ERBIN: variants seen among roughly 807,000 people sequenced by gnomAD.
ERBIN encodes the protein densin-180-like protein.
A neutral mutation model predicts 158.4 loss-of-function variants in ERBIN; 60 were observed. The observed-to-expected ratio is 0.38, with a 90% CI of 0.31 to 0.47. The LOEUF is 0.47. Ranked by LOEUF, ERBIN falls within the 20% of genes least tolerant of loss-of-function variation. The probability of loss-of-function intolerance (pLI) is 0.99; values close to 1 mark genes in which losing one functional copy is unlikely to be tolerated. For missense variants in ERBIN, 1,610 were observed against 1,648.0 expected, an observed-to-expected ratio of 0.98 and a Z score of 0.40; for synonymous variants, 594 against 557.2, an observed-to-expected ratio of 1.07 and a Z score of -0.93.
At chr5:65,951,776 A>T (rs1746527161) in intron 1 of ERBIN, among the ~76,000 whole-genome samples, 2 of 152,234 alleles carry the variant, frequency 1.3e-5, no homozygotes, top group South Asian at 4.1e-4. Context: ...AATTGTATAT[A>T]AACTATAACA....
chr5:65,952,364 A>G (rs937198715), intron 1 of ERBIN, among the ~76,000 whole-genome samples: 1 of 152,082 alleles, frequency 6.6e-6, no homozygotes, highest in Non-Finnish European at 1.5e-5. Flanking sequence ...TTTATTTTTT[A>G]AAGAGATGGG....
At chr5:66,068,555 G>A (rs543469807) in intron 21 of ERBIN, among the ~76,000 whole-genome samples, 5 of 152,048 alleles carry the variant, frequency 3.3e-5, no homozygotes, top group East Asian at 1.9e-4. Context: ...AGCATATGGC[G>A]TCAACTCCTA....
At chr5:66,026,153 T>A in intron 12 of ERBIN, 149 bp from the exon 13 acceptor site, 2 of 675,982 alleles carry the variant, frequency 3.0e-6, no homozygotes, top group Non-Finnish European at 4.7e-6. Context: ...CTTTCTTATG[T>A]ACATAAAAAT....
chr5:65,982,821 A>C (rs539138376), intron 1 of ERBIN, among the ~76,000 whole-genome samples: 1 of 152,302 alleles, frequency 6.6e-6, no homozygotes, highest in African/African-American at 2.4e-5. Flanking sequence ...ATTCCCATAT[A>C]TTTACCTATG....
intron 1 of ERBIN, among the ~76,000 whole-genome samples, chr5:65,976,978 C>T (rs1749959871): frequency 6.6e-6 from 1 of 152,342 alleles, no homozygotes; most frequent in South Asian, 2.1e-4. Flanking sequence ...TCCCCTCTTT[C>T]TATTCCACAA....
rs1168923040 is a variant in ERBIN, at chr5:65,944,279, G to A, written c.-58+17473G>A. Among the ~76,000 whole-genome samples, 5 of 146,984 alleles carry A rather than the reference G, an allele frequency of 3.4e-5. No individual in the cohort carries two copies. In the South Asian group the frequency reaches 1.1e-3, roughly 31 times the overall value. ...GGCTCTACCACTGTATATTTCCACC[G>A]AAAGTATACAAGAGTTCCAGTTTCT... On this transcript the variant is annotated intron_variant, in intron 1 of 25. Coordinates refer to ENST00000284037, the MANE Select transcript of ERBIN (RefSeq NM_001253697.2).
At chr5:66,067,225 T>C (rs1055438198) in intron 21 of ERBIN, among the ~76,000 whole-genome samples, 7 of 152,222 alleles carry the variant, frequency 4.6e-5, no homozygotes, top group Non-Finnish European at 7.4e-5. Context: ...GTCACTACTT[T>C]AGATTTCACA....
At chr5:66,077,689 G>A (rs904548111) in intron 25 of ERBIN, among the ~76,000 whole-genome samples, 9 of 151,136 alleles carry the variant, frequency 6.0e-5, no homozygotes, top group Admixed American at 2.0e-4. Context: ...GTCACCAGTC[G>A]TTCATAATTT....
In ERBIN at chr5:66,054,247, T is replaced by G; in HGVS notation, c.2929T>G (p.Tyr977Asp). The change falls in exon 21 of 26, where the codon TAT (tyrosine) becomes GAT (aspartate). Residue 977 changes from tyrosine (Y) to aspartate (D), a missense_variant. Tyr to Asp is a radical substitution (Grantham distance 160, BLOSUM62 -3). Transcript: ENST00000284037. ...ACCTCAAATATATGGTCCTCCACAGTATAATATCCAATACAGTAGCAGTGC... is the reference window on the plus strand; with the variant it reads ...ACCTCAAATATATGGTCCTCCACAGGATAATATCCAATACAGTAGCAGTGC... ...SAPQIYGPPQ[Y>D]NIQYSSSAAV... 2 of 1,614,104 alleles carry G rather than the reference T, an allele frequency of 1.2e-6. No homozygotes were observed. Among genetic ancestry groups the G allele is most frequent in the Non-Finnish European group, 1.7e-6 (2 of 1,180,014 alleles).
chr5:65,956,457 A>T (rs7731833), intron 1 of ERBIN, among the ~76,000 whole-genome samples: 4 of 144,870 alleles, frequency 2.8e-5, no homozygotes, highest in Non-Finnish European at 6.0e-5. Context: ...GCTCACTGCA[A>T]CCTTTGCCTC....
chr5:65,945,839 G>A (rs1484962960), intron 1 of ERBIN, among the ~76,000 whole-genome samples: 1 of 152,050 alleles, frequency 6.6e-6, no homozygotes, highest in East Asian at 1.9e-4. Context: ...AACTACTACT[G>A]TGAGGTCTTG....
At chr5:65,981,549 T>TA (rs1185632273) in intron 1 of ERBIN, among the ~76,000 whole-genome samples, 3 of 152,032 alleles carry the variant, frequency 2.0e-5, no homozygotes, top group Non-Finnish European at 4.4e-5. Flanking sequence ...ATTACTGGTA[T>TA]AAAAAATGAG....
intron 1 of ERBIN, among the ~76,000 whole-genome samples, chr5:65,952,023 A>G (rs1746559139): frequency 6.6e-6 from 1 of 151,992 alleles, no homozygotes; most frequent in Non-Finnish European, 1.5e-5. Context: ...TGCTTGTGTG[A>G]TTTTCCCAAT....
rs762632075 is a variant in ERBIN, at chr5:65,994,757, A to C, written c.200A>C (p.Asn67Thr). 1 of 1,587,626 alleles carries C rather than the reference A, an allele frequency of 6.3e-7. No homozygotes were observed. Among genetic ancestry groups the C allele is most frequent in the African/African-American group, 1.4e-5 (1 of 73,592 alleles). The change falls in exon 4 of 26, where the codon AAC becomes ACC. Residue 67 changes from asparagine (N) to threonine (T), a missense_variant. Physicochemically the swap from Asn to Thr is moderately conservative, Grantham distance 65 (BLOSUM62 0). Transcript: ENST00000284037. ...CCCTTTTTTCAATAGCAACTTTTTA[A>C]CTGTCAGTCTTTACACAAACTGAGT... ...QIEELPKQLF[N>T]CQSLHKLSLP...
chr5:65,958,299 G>A (rs1286392303), intron 1 of ERBIN, among the ~76,000 whole-genome samples: 1 of 152,154 alleles, frequency 6.6e-6, no homozygotes, highest in African/African-American at 2.4e-5. Context: ...CGCAAGCCGA[G>A]ATCACGCCAC....
At chr5:66,024,609 C>G (rs531895172) in intron 10 of ERBIN, among the ~76,000 whole-genome samples, 159 bp downstream of exon 10, 51 of 152,158 alleles carry the variant, frequency 3.4e-4, no homozygotes, top group Admixed American at 1.2e-3. Flanking sequence ...ACAGTTTGCT[C>G]CTTTGTTGAC....
At chr5:66,034,296 G>T (rs1561403809) in intron 14 of ERBIN, among the ~76,000 whole-genome samples, 1 of 145,744 alleles carries the variant, frequency 6.9e-6, no homozygotes, top group Admixed American at 6.9e-5. Context: ...ACTCATAGCT[G>T]TTTTTTTTTT....
intron 21 of ERBIN, among the ~76,000 whole-genome samples, chr5:66,067,921 G>C (rs1222307286): frequency 6.6e-6 from 1 of 151,880 alleles, no homozygotes; most frequent in African/African-American, 2.4e-5. Context: ...GGCCAGCCTG[G>C]GTAACATAGC....
chr5:65,979,596 A>G (rs1750424477), intron 1 of ERBIN, among the ~76,000 whole-genome samples: 1 of 152,240 alleles, frequency 6.6e-6, no homozygotes, highest in African/African-American at 2.4e-5. Context: ...CATTAAGGCA[A>G]TTGGCAGGAT....
Sources: allele counts gnomAD v4.1 joint callset (sites outside exome capture counted in the v4.1 genomes callset), GRCh38; gene constraint gnomAD v4.1.1; transcripts MANE v1.5; gene names NCBI Gene and HGNC (gene_info 2026-07-23, HGNC 2026-07-21).